Variants in TMCO4 observed in about 807,000 individuals in gnomAD.
TMCO4 encodes transmembrane and coiled-coil domain-containing protein 4.
A neutral mutation model predicts 64.7 loss-of-function variants in TMCO4; 58 were observed. That is an observed-to-expected ratio of 0.90 (90% CI 0.73 to 1.12). TMCO4 has a LOEUF of 1.12. TMCO4 is among the 50% of genes most tolerant of loss of function. The probability of loss-of-function intolerance (pLI) is 0.00; values close to 1 mark genes in which losing one functional copy is unlikely to be tolerated. For missense variants in TMCO4, 780 were observed against 825.9 expected, an observed-to-expected ratio of 0.94 and a Z score of 0.68; for synonymous variants, 325 against 346.1, an observed-to-expected ratio of 0.94 and a Z score of 0.68.
chr1:19,786,707 T>C (rs1340838479), intron 3 of TMCO4, among the ~76,000 whole-genome samples: 1 of 152,240 alleles, frequency 6.6e-6, no homozygotes. Context: ...TGGTACTATA[T>C]TTGCAACTTC....
intron 5 of TMCO4, among the ~76,000 whole-genome samples, chr1:19,770,809 A>G (rs1570972036): frequency 6.6e-6 from 1 of 152,220 alleles, no homozygotes; most frequent in East Asian, 1.9e-4. Flanking sequence ...CCCTACCAAC[A>G]GTCTGCGTCA....
At chr1:19,689,277 G>GT (rs945341327) in intron 15 of TMCO4, among the ~76,000 whole-genome samples, 3 of 152,246 alleles carry the variant, frequency 2.0e-5, no homozygotes, top group East Asian at 1.9e-4. Context: ...GGAAAGCACT[G>GT]TTTTTTGTGA....
At chr1:19,795,793 A>C (rs992716009) in intron 2 of TMCO4, among the ~76,000 whole-genome samples, 1 of 152,246 alleles carries the variant, frequency 6.6e-6, no homozygotes, top group Non-Finnish European at 1.5e-5. Flanking sequence ...CCCTGGCCAA[A>C]GATTTCCAAC....
At chr1:19,718,668 AG>A (rs1280825404) in intron 13 of TMCO4, among the ~76,000 whole-genome samples, 2 of 146,228 alleles carry the variant, frequency 1.4e-5, no homozygotes, top group South Asian at 2.2e-4. Flanking sequence ...AAAAAAAAAG[AG>A]AGAGAGAAAA....
chr1:19,754,285 A>G (rs1482707213), intron 7 of TMCO4, among the ~76,000 whole-genome samples: 3 of 152,194 alleles, frequency 2.0e-5, no homozygotes, highest in Non-Finnish European at 4.4e-5. Flanking sequence ...CAAGGCATAT[A>G]AGATCCTATA....
intron 4 of TMCO4, among the ~76,000 whole-genome samples, chr1:19,776,558 A>C (rs2043211668): frequency 6.6e-6 from 1 of 152,092 alleles, no homozygotes; most frequent in Admixed American, 6.5e-5. Flanking sequence ...TAACAACAAG[A>C]CCAACCAATA....
chr1:19,742,271 G>C (rs1410275392), intron 10 of TMCO4, among the ~76,000 whole-genome samples: 3 of 152,196 alleles, frequency 2.0e-5, no homozygotes, highest in African/African-American at 7.2e-5. Context: ...TATGCATCCT[G>C]TTTGACGTGT....
At chr1:19,725,915 G>C (rs2095406822) in intron 13 of TMCO4, among the ~76,000 whole-genome samples, 1 of 152,228 alleles carries the variant, frequency 6.6e-6, no homozygotes, top group Non-Finnish European at 1.5e-5. Context: ...CCAGGCCTTG[G>C]GGGCTGAGGA....
rs1362556832 is a variant in TMCO4, at chr1:19,732,184, C to A, written c.1264+5188G>T. Among the ~76,000 whole-genome samples, 1 of 152,018 alleles carries A rather than the reference C, an allele frequency of 6.6e-6. No homozygotes were observed. The highest frequency in any genetic ancestry group is 2.1e-4 in the South Asian group (1 of 4,810). On this transcript the variant is annotated intron_variant, in intron 13 of 15. Coordinates refer to ENST00000294543, the MANE Select transcript of TMCO4 (RefSeq NM_181719.7). This position sits in a 1 kb window ranked among gnomAD's most constrained non-coding sequence, Gnocchi z 4.8. ...AGCTATGGCTAACTAAGGGACAGAC[C>A]CCTCTCAGTGTGGCTTTTGCTCTGT...
intron 7 of TMCO4, among the ~76,000 whole-genome samples, chr1:19,754,275 C>G (rs574417955): frequency 1.6e-4 from 25 of 152,294 alleles, no homozygotes; most frequent in African/African-American, 5.1e-4. Flanking sequence ...TCCTTAATTT[C>G]AAGGCATATA....
intron 15 of TMCO4, among the ~76,000 whole-genome samples, 173 bp downstream of exon 15, chr1:19,694,261 C>T (rs549920093): frequency 6.6e-5 from 10 of 152,190 alleles, no homozygotes; most frequent in Non-Finnish European, 1.3e-4. Context: ...CTGGGCCTCC[C>T]GAAGTGCCGG....
In TMCO4 at chr1:19,769,726, C is replaced by T. The variant is rs778636707; in HGVS notation, c.382+816G>A. ...GAGGAGCTGGTGGGAAGAAGTTGGACGGGAGCTGTGGGGGTGGGGAGGAGC... is the reference window on the plus strand; with the variant it reads ...GAGGAGCTGGTGGGAAGAAGTTGGATGGGAGCTGTGGGGGTGGGGAGGAGC... On this transcript the variant is annotated intron_variant, in intron 6 of 15. Coordinates refer to ENST00000294543, the MANE Select transcript of TMCO4 (RefSeq NM_181719.7). Among the ~76,000 whole-genome samples the T allele has an allele frequency of 2.1e-4, 32 of 151,928 alleles. 1 individual carries two copies. The highest frequency in any genetic ancestry group is 3.5e-4 in the Non-Finnish European group (24 of 67,984).
intron 2 of TMCO4, among the ~76,000 whole-genome samples, chr1:19,791,169 A>C (rs1163916078): frequency 1.3e-5 from 2 of 152,142 alleles, no homozygotes; most frequent in Non-Finnish European, 2.9e-5. Flanking sequence ...GTGGGATGCG[A>C]GGAGAGAGAG....
At chr1:19,711,953 G>A (rs1158768256) in intron 13 of TMCO4, among the ~76,000 whole-genome samples, 3 of 151,888 alleles carry the variant, frequency 2.0e-5, no homozygotes, top group South Asian at 2.1e-4. Flanking sequence ...CATGGTGCCC[G>A]GTAAAGTTTT....
intron 13 of TMCO4, among the ~76,000 whole-genome samples, chr1:19,722,964 G>C (rs1185891091): frequency 1.3e-5 from 2 of 152,124 alleles, no homozygotes; most frequent in African/African-American, 4.8e-5. Flanking sequence ...GGCCTCATTA[G>C]TCAAGCGTGA....
intron 15 of TMCO4, among the ~76,000 whole-genome samples, chr1:19,687,105 C>T (rs771783940): frequency 6.6e-6 from 1 of 152,122 alleles, no homozygotes; most frequent in Non-Finnish European, 1.5e-5. Flanking sequence ...ATGTGCACCA[C>T]CACACCTGGC....
chr1:19,755,065 G>C (rs913659158), intron 7 of TMCO4, among the ~76,000 whole-genome samples: 9 of 152,168 alleles, frequency 5.9e-5, no homozygotes, highest in African/African-American at 2.2e-4. Flanking sequence ...CAGGGTGTCA[G>C]GGCCCCAGGA....
At chr1:19,781,493 G>A (rs542668467) in intron 3 of TMCO4, among the ~76,000 whole-genome samples, 2 of 149,608 alleles carry the variant, frequency 1.3e-5, no homozygotes, top group African/African-American at 4.9e-5. Context: ...TAGCCAATAA[G>A]TATGAAAAGA....
intron 13 of TMCO4, among the ~76,000 whole-genome samples, chr1:19,717,326 A>C (rs2100717911): frequency 1.3e-5 from 2 of 152,302 alleles, no homozygotes; most frequent in African/African-American, 4.8e-5. Context: ...CTCTGAGATC[A>C]CACCTGGTGG....
Sources: allele counts gnomAD v4.1 joint callset (sites outside exome capture counted in the v4.1 genomes callset), GRCh38; gene constraint gnomAD v4.1.1; non-coding constraint Gnocchi (gnomAD v3.1); transcripts MANE v1.5; gene names NCBI Gene and HGNC (gene_info 2026-07-23, HGNC 2026-07-21).